Variants in WDFY2 observed in about 807,000 individuals in gnomAD.
The protein encoded by WDFY2 is WD repeat and FYVE domain containing 2.
WDFY2 carries 36 observed loss-of-function variants against 56.4 expected under a neutral mutation model. The observed-to-expected ratio is 0.64, with a 90% CI of 0.49 to 0.84. The LOEUF (loss-of-function observed/expected upper bound fraction) is 0.84. Among genes scored for constraint, WDFY2 ranks in the 40% least tolerant of loss-of-function variants. The pLI is 0.00. For missense variants in WDFY2, 444 were observed against 512.2 expected, an observed-to-expected ratio of 0.87 and a Z score of 1.29; for synonymous variants, 176 against 183.7, an observed-to-expected ratio of 0.96 and a Z score of 0.34.
At position 51,584,672 on chromosome 13, in the gene WDFY2, C is replaced by T; in HGVS notation, c.-16C>T. On this transcript the variant is annotated 5_prime_UTR_variant, in exon 1 of 12. Coordinates refer to ENST00000298125, the MANE Select transcript of WDFY2 (RefSeq NM_052950.4). ...GCGCGGTTGGCGGCGGCGCCCCAGG[C>T]GCGCCCCCTCCTCCGATGGCGGCGG... 6.2e-7 allele frequency: 1 copy of T among 1,606,158 alleles called. No homozygotes were observed. Among genetic ancestry groups the T allele is most frequent in the Non-Finnish European group, 8.5e-7 (1 of 1,177,214 alleles).
chr13:51,661,488 C>T (rs1955612049), intron 2 of WDFY2, among the ~76,000 whole-genome samples: 1 of 152,124 alleles, frequency 6.6e-6, no homozygotes, highest in African/African-American at 2.4e-5. Flanking sequence ...GAGTCCTATA[C>T]CTTCTGGCTT....
chr13:51,588,137 A>G (rs1306597882), intron 1 of WDFY2: 1 of 152,252 alleles, frequency 6.6e-6, no homozygotes, highest in Non-Finnish European at 1.5e-5. Context: ...CAAAGGGCAT[A>G]CCAAACTTTG....
At chr13:51,744,823 T>A (rs1953056772) in intron 7 of WDFY2, among the ~76,000 whole-genome samples, 1 of 152,248 alleles carries the variant, frequency 6.6e-6, no homozygotes, top group Non-Finnish European at 1.5e-5. Context: ...TTAGAAGGTA[T>A]CTGTTCATTC....
At chr13:51,627,430 A>G (rs1369363654) in intron 1 of WDFY2, among the ~76,000 whole-genome samples, 5 of 151,874 alleles carry the variant, frequency 3.3e-5, no homozygotes, top group African/African-American at 1.2e-4. Flanking sequence ...GTGCAGTGGC[A>G]TGATCTTGGC....
rs950080766 is a variant in WDFY2, at chr13:51,654,866, G to A, written c.138-5730G>A. Among the ~76,000 whole-genome samples, 5 of 152,192 alleles carry A rather than the reference G, an allele frequency of 3.3e-5. No homozygotes were observed. In the East Asian group the frequency reaches 9.6e-4, roughly 29 times the overall value. On this transcript the variant is annotated intron_variant, in intron 1 of 11. Coordinates refer to ENST00000298125, the MANE Select transcript of WDFY2 (RefSeq NM_052950.4). ...ATATACTGTACTTTTATTTTTAGGTGTAAAGATTTATCAATTGCCTTCAAT... is the reference window on the plus strand; with the variant it reads ...ATATACTGTACTTTTATTTTTAGGTATAAAGATTTATCAATTGCCTTCAAT...
intron 1 of WDFY2, among the ~76,000 whole-genome samples, chr13:51,610,254 T>TTTG (rs1425591402): frequency 7.1e-6 from 1 of 140,160 alleles, no homozygotes; most frequent in Admixed American, 7.1e-5. Context: ...TTTTTTTTTT[T>TTTG]GGGGGGCTAA....
chr13:51,698,545 A>G (rs1172813951), intron 3 of WDFY2, among the ~76,000 whole-genome samples: 1 of 152,222 alleles, frequency 6.6e-6, no homozygotes, highest in Non-Finnish European at 1.5e-5. Flanking sequence ...AGGTAAGTCA[A>G]CAACAAATAC....
intron 1 of WDFY2, among the ~76,000 whole-genome samples, chr13:51,649,692 T>A (rs1381795311): frequency 6.6e-6 from 1 of 151,914 alleles, no homozygotes; most frequent in South Asian, 2.1e-4. Flanking sequence ...TTTGGTTTTT[T>A]GTCCTTGCAA....
intron 1 of WDFY2, among the ~76,000 whole-genome samples, chr13:51,634,914 A>G (rs1176671072): frequency 6.6e-6 from 1 of 151,942 alleles, no homozygotes; most frequent in Non-Finnish European, 1.5e-5. Context: ...GAAGCCCTAA[A>G]CATTTATTTA....
chr13:51,600,715 A>AG (rs1379904877), intron 1 of WDFY2, among the ~76,000 whole-genome samples: 7 of 152,108 alleles, frequency 4.6e-5, no homozygotes, highest in Non-Finnish European at 8.8e-5. Flanking sequence ...AGAGGAGGGA[A>AG]GGGAGGAGGG....
intron 5 of WDFY2, among the ~76,000 whole-genome samples, chr13:51,726,522 G>T (rs4477587): frequency 3.9e-3 from 593 of 152,230 alleles, no homozygotes; most frequent in Non-Finnish European, 6.6e-3. Flanking sequence ...CATGCCTAGG[G>T]CTTTTACTGG....
intron 1 of WDFY2, among the ~76,000 whole-genome samples, chr13:51,622,216 T>C (rs1254348002): frequency 6.6e-6 from 1 of 152,242 alleles, no homozygotes; most frequent in Non-Finnish European, 1.5e-5. Flanking sequence ...TTTGTATTCC[T>C]GAAGATGATA....
chr13:51,629,076 A>G (rs1954897579), intron 1 of WDFY2, among the ~76,000 whole-genome samples: 1 of 152,216 alleles, frequency 6.6e-6, no homozygotes, highest in Admixed American at 6.5e-5. Context: ...GTTTTAAGCT[A>G]TGGAGAAGAC....
Position 51,645,243 on chromosome 13 carries a change from T to TATTG in WDFY2, c.138-15352_138-15349dup, listed in dbSNP as rs377162806. Among the ~76,000 whole-genome samples the TATTG allele has an allele frequency of 4.9e-3, 744 of 152,132 alleles. 3 individuals carry two copies. Among genetic ancestry groups the TATTG allele is most frequent in the African/African-American group, 0.014 (583 of 41,494 alleles). On this transcript the variant is annotated intron_variant, in intron 1 of 11. Transcript: ENST00000298125. ...CTAGGGGCTGCCTTCCTTCTGTTTG[T>TATTG]ATTGCTGTTGCAGGGTGTGATCTGT...
Position 51,584,790 on chromosome 13 carries a change from A to G in WDFY2, c.103A>G (p.Lys35Glu), listed in dbSNP as rs779142715. The G allele has an allele frequency of 4.3e-6, 7 of 1,613,798 alleles. No individual in the cohort carries two copies. In the South Asian group the frequency reaches 7.7e-5, roughly 18 times the overall value. ...EVVNMAVIVP[K>E]EEGVISVSED... The stretch of plus-strand genomic sequence containing the variant: ...GGTGAATATGGCCGTGATCGTGCCC[A>G]AAGAGGAGGGCGTCATCAGCGTCTC... Residue 35 changes from lysine to glutamate, a missense_variant, in exon 1 of 12, where the codon AAA becomes GAA. Physicochemically the swap from Lys to Glu is moderately conservative, Grantham distance 56. Coordinates refer to ENST00000298125, the MANE Select transcript of WDFY2 (RefSeq NM_052950.4).
chr13:51,692,869 A>G (rs1951774556), intron 3 of WDFY2, among the ~76,000 whole-genome samples: 1 of 152,174 alleles, frequency 6.6e-6, no homozygotes, highest in Non-Finnish European at 1.5e-5. Context: ...CCACAATTTC[A>G]GAGCCTGTTA....
At chr13:51,695,190 G>T (rs1951840468) in intron 3 of WDFY2, among the ~76,000 whole-genome samples, 2 of 152,158 alleles carry the variant, frequency 1.3e-5, no homozygotes, top group African/African-American at 2.4e-5. Context: ...CTCGTCAAAG[G>T]CATTCTCCGT....
chr13:51,585,466 T>C (rs1380498878), intron 1 of WDFY2, among the ~76,000 whole-genome samples: 1 of 152,184 alleles, frequency 6.6e-6, no homozygotes, highest in East Asian at 1.9e-4. Flanking sequence ...TGCAAATAGC[T>C]CTTGAGTTCC....
intron 1 of WDFY2, among the ~76,000 whole-genome samples, chr13:51,652,797 T>G (rs183614326): frequency 1.8e-4 from 27 of 152,234 alleles, no homozygotes; most frequent in Non-Finnish European, 3.1e-4. Flanking sequence ...TGGGCTTCCC[T>G]TTGTGAGTAA....
Sources: allele counts gnomAD v4.1 joint callset (sites outside exome capture counted in the v4.1 genomes callset), GRCh38; gene constraint gnomAD v4.1.1; transcripts MANE v1.5; gene names NCBI Gene and HGNC (gene_info 2026-07-23, HGNC 2026-07-21).